The following NCOA5 variants were observed in gnomAD, a reference collection of about 807,000 sequenced individuals.
NCOA5 encodes NCoA-5.
NCOA5 carries 12 observed loss-of-function variants against 59.0 expected under a neutral mutation model. The ratio of observed to expected loss-of-function variants is 0.20; its 90% CI spans 0.13 to 0.33. The LOEUF (loss-of-function observed/expected upper bound fraction) is 0.33. NCOA5 is among the 10% of genes least tolerant of loss of function. NCOA5 has a pLI of 1.00. For missense variants in NCOA5, 655 were observed against 766.6 expected, an observed-to-expected ratio of 0.85 and a Z score of 1.72; for synonymous variants, 270 against 275.5, an observed-to-expected ratio of 0.98 and a Z score of 0.20.
chr20:46,089,133 G>A (rs1468148489), intron 1 of NCOA5, among the ~76,000 whole-genome samples: 1 of 152,230 alleles, frequency 6.6e-6, no homozygotes, highest in African/African-American at 2.4e-5. Flanking sequence ...GCCCGCTGGC[G>A]GGGAGCGGAC....
Position 46,062,475 on chromosome 20 carries a change from A to G in NCOA5, c.1565T>C (p.Met522Thr). 1 of 1,614,116 alleles carries G rather than the reference A, an allele frequency of 6.2e-7. No homozygotes were observed. Among genetic ancestry groups the G allele is most frequent in the Non-Finnish European group, 8.5e-7 (1 of 1,180,010 alleles). ...GGAAGACACAGGCCTCTGGCTAGTC[A>G]TGTTGCTAGCAGGTGCCAGGCGACT... ...PSSRLAPASN[M>T]TSQRPVSSTG... Residue 522 changes from methionine to threonine, a missense_variant, in exon 8 of 8, where the codon ATG (methionine) becomes ACG (threonine). Around this residue, in one of 3 missense-constraint regions of NCOA5, gnomAD observed 325 missense variants for 353.2 expected, o/e 0.92. Coordinates refer to ENST00000290231, the MANE Select transcript of NCOA5 (RefSeq NM_020967.3).
chr20:46,067,438 CCA>C (rs2084836549), intron 4 of NCOA5, among the ~76,000 whole-genome samples: 1 of 152,178 alleles, frequency 6.6e-6, no homozygotes, highest in African/African-American at 2.4e-5. Flanking sequence ...ATTTATACCT[CCA>C]CAGAGGTAGA....
At chr20:46,066,015 A>G (rs183774347) in intron 5 of NCOA5, among the ~76,000 whole-genome samples, 3 of 152,222 alleles carry the variant, frequency 2.0e-5, no homozygotes, top group Non-Finnish European at 4.4e-5. Context: ...AAAGCTCTCT[A>G]GAGTTAAAAG....
At chr20:46,068,050 C>T (rs1330812526) in intron 4 of NCOA5, among the ~76,000 whole-genome samples, 1 of 152,020 alleles carries the variant, frequency 6.6e-6, no homozygotes, top group Non-Finnish European at 1.5e-5. Context: ...CCTGCCTCAG[C>T]CCCCCGAGTA....
intron 1 of NCOA5, among the ~76,000 whole-genome samples, chr20:46,087,951 G>T (rs572245421): frequency 1.7e-5 from 2 of 116,258 alleles, no homozygotes; most frequent in East Asian, 4.0e-4. Flanking sequence ...TTTTTAACAG[G>T]GGGAGAGATA....
rs201653586 is a variant in NCOA5, at chr20:46,062,893, G to C, written c.1151-4C>G. ...AGTGGTTGGCGGGAAATCGGGCCTG[G>C]AAGACAGAAGAGGGAGGTATCTGGT... On this transcript the variant is annotated splice_region_variant and splice_polypyrimidine_tract_variant and intron_variant, in intron 7 of 7. Coordinates refer to ENST00000290231, the MANE Select transcript of NCOA5 (RefSeq NM_020967.3). 2.2e-5 allele frequency: 34 copies of C among 1,512,590 alleles called. No individual in the cohort carries two copies. In the East Asian group the frequency reaches 5.7e-4, roughly 25 times the overall value. The allele number at this position is 1,512,590 out of a possible 1,614,324, so 93.7% of individuals were successfully genotyped here. A position where few individuals can be genotyped will look rare whatever the true frequency, so the allele number is the denominator to read the frequency against.
At chr20:46,082,743 T>G (rs931932366) in intron 1 of NCOA5, among the ~76,000 whole-genome samples, 1 of 152,196 alleles carries the variant, frequency 6.6e-6, no homozygotes. Flanking sequence ...TTAAAAGCAC[T>G]TCTCAGTTAA....
chr20:46,070,248 T>C lies in NCOA5; in HGVS notation c.327A>G (p.Arg109=). The C allele has an allele frequency of 6.2e-7, 1 of 1,614,126 alleles. No homozygotes were observed. Among genetic ancestry groups the C allele is most frequent in the Non-Finnish European group, 8.5e-7 (1 of 1,180,026 alleles). Residue 109 remains arginine (R), a synonymous_variant, in exon 3 of 8, where the codon AGA becomes AGG. Coordinates refer to ENST00000290231, the MANE Select transcript of NCOA5 (RefSeq NM_020967.3). ...CTCGGGAGTCTCTCATGTCTCTGTA[T>C]CTGTCGTACATGGGGTCTCGCTGAT... ...FRDQRDPMYD[R]YRDMRDSRDP...
Position 46,068,513 on chromosome 20 carries a change from G to A in NCOA5, c.491C>T (p.Ser164Phe). The A allele has an allele frequency of 6.2e-7, 1 of 1,611,592 alleles. No individual in the cohort carries two copies. Among genetic ancestry groups the A allele is most frequent in the Non-Finnish European group, 8.5e-7 (1 of 1,179,150 alleles). The change falls in exon 4 of 8, where the codon TCT (serine) becomes TTT (phenylalanine). Residue 164 changes from serine (S) to phenylalanine (F), a missense_variant. Ser to Phe is a radical substitution (Grantham distance 155). Coordinates refer to ENST00000290231, the MANE Select transcript of NCOA5 (RefSeq NM_020967.3). ...GRGPPGPESQ[S>F]RAKERLKREE... is the part of the protein sequence containing the mutation. ...TTCAGCTACTTTACCTTTTGCACGA[G>A]ACTGACTTTCTGGGCCTGGAGGGCC...
chr20:46,075,528 C>T (rs2084927990), intron 2 of NCOA5, among the ~76,000 whole-genome samples: 1 of 152,230 alleles, frequency 6.6e-6, no homozygotes, highest in African/African-American at 2.4e-5. Flanking sequence ...CCAGGTTTAA[C>T]ATCTTTCACA....
intron 1 of NCOA5, among the ~76,000 whole-genome samples, chr20:46,087,410 G>A (rs1350662061): frequency 6.6e-6 from 1 of 152,212 alleles, no homozygotes; most frequent in Non-Finnish European, 1.5e-5. Context: ...TATTTAAAAT[G>A]AAGTTTCAAA....
At chr20:46,088,122 CT>C (rs2085063178) in intron 1 of NCOA5, among the ~76,000 whole-genome samples, 1 of 152,138 alleles carries the variant, frequency 6.6e-6, no homozygotes, top group South Asian at 2.1e-4. Context: ...ATAAACAGAT[CT>C]TATGAACACA....
At chr20:46,069,326 G>A (rs1394481387) in intron 3 of NCOA5, among the ~76,000 whole-genome samples, 1 of 152,148 alleles carries the variant, frequency 6.6e-6, no homozygotes, top group Non-Finnish European at 1.5e-5. Context: ...TACAATATTT[G>A]TCTTATGTCT....
At chr20:46,081,297 G>C (rs2084989526) in intron 1 of NCOA5, among the ~76,000 whole-genome samples, 1 of 151,988 alleles carries the variant, frequency 6.6e-6, no homozygotes, top group Admixed American at 6.6e-5. Context: ...TAATTGGTAG[G>C]TTTCTATTAC....
intron 2 of NCOA5, among the ~76,000 whole-genome samples, chr20:46,078,993 G>A (rs1231249488): frequency 6.6e-6 from 1 of 152,064 alleles, no homozygotes; most frequent in African/African-American, 2.4e-5. Context: ...CATCTGGACC[G>A]GCAGCCATTT....
At chr20:46,063,763 A>G in intron 6 of NCOA5, 83 bp from the exon 7 acceptor site, 2 of 1,313,228 alleles carry the variant, frequency 1.5e-6, no homozygotes, top group South Asian at 1.4e-5. Flanking sequence ...GTCTTTCCTA[A>G]CCTCATACCA....
intron 2 of NCOA5, 28 bp from the exon 3 acceptor site, chr20:46,070,564 G>A (rs775293313): frequency 1.9e-5 from 31 of 1,599,494 alleles, no homozygotes; most frequent in Non-Finnish European, 2.6e-5. Flanking sequence ...AAAATGCTAA[G>A]ACAAAGAAAT....
intron 6 of NCOA5, 120 bp downstream of exon 6, chr20:46,064,909 G>T: frequency 2.2e-6 from 2 of 902,602 alleles, no homozygotes; most frequent in East Asian, 2.4e-5. Flanking sequence ...CTTAAGAGAG[G>T]GGCCCTACCA....
intron 2 of NCOA5, among the ~76,000 whole-genome samples, chr20:46,078,125 A>G (rs1476790146): frequency 6.6e-6 from 1 of 152,190 alleles, no homozygotes; most frequent in African/African-American, 2.4e-5. Context: ...ATTGGATTCA[A>G]CTCTGCTGCA....
Sources: gnomAD v4.1 joint callset for allele counts (sites outside exome capture counted in the v4.1 genomes callset) on GRCh38, gnomAD v4.1.1 for gene constraint, gnomAD v4.1.1 regional missense constraint, MANE v1.5 for transcripts, NCBI Gene and HGNC (gene_info 2026-07-23, HGNC 2026-07-21) for gene names.